ROBO1: variants seen among roughly 807,000 people sequenced by gnomAD.
ROBO1 encodes the protein roundabout homolog 1.
In ROBO1, 149 loss-of-function variants were observed where a neutral mutation model predicts 195.9. That is an observed-to-expected ratio of 0.76 (90% confidence interval 0.67 to 0.87). The LOEUF (loss-of-function observed/expected upper bound fraction) is 0.87. ROBO1 is among the 40% of genes least tolerant of loss of function. ROBO1 has a pLI of 0.00. For missense variants in ROBO1, 1,933 were observed against 2,068.3 expected (o/e 0.93, Z 1.27); for synonymous variants, 816 against 733.2 (o/e 1.11, Z -1.82).
chr3:79,477,832 TTAAGG>T (rs1251748204), intron 2 of ROBO1, among the ~76,000 whole-genome samples: 7 of 152,186 alleles, frequency 4.6e-5, no homozygotes, highest in Non-Finnish European at 1.5e-5. Context: ...ATTTACCAGT[TTAAGG>T]TCCATGGATT....
intron 2 of ROBO1, among the ~76,000 whole-genome samples, chr3:79,166,822 T>G (rs1173303399): frequency 4.6e-5 from 7 of 152,112 alleles, no homozygotes; most frequent in Middle Eastern, 3.2e-3. Flanking sequence ...CTATTTTTCT[T>G]AATTTGTTCA....
chr3:79,026,210 T>C (rs1426704721), intron 3 of ROBO1, among the ~76,000 whole-genome samples: 4 of 152,112 alleles, frequency 2.6e-5, no homozygotes, highest in African/African-American at 9.7e-5. Flanking sequence ...CTATTCTAAG[T>C]ATTTTATGTA....
chr3:79,516,975 G>C (rs1179944337), intron 2 of ROBO1, among the ~76,000 whole-genome samples: 1 of 152,174 alleles, frequency 6.6e-6, no homozygotes, highest in Non-Finnish European at 1.5e-5. Context: ...CTGGTCAAGA[G>C]GATGTGTCAT....
intron 2 of ROBO1, among the ~76,000 whole-genome samples, chr3:79,552,228 C>T (rs996770273): frequency 5.9e-5 from 9 of 151,936 alleles, no homozygotes; most frequent in Non-Finnish European, 1.2e-4. Context: ...GACAACAACA[C>T]ATACTATATC....
At chr3:79,355,222 C>T (rs1483597978) in intron 2 of ROBO1, among the ~76,000 whole-genome samples, 1 of 151,636 alleles carries the variant, frequency 6.6e-6, no homozygotes, top group East Asian at 1.9e-4. Context: ...GAAATCATTG[C>T]TTTATTTAAA....
At chr3:79,007,086 A>C (rs1041079498) in intron 3 of ROBO1, among the ~76,000 whole-genome samples, 4 of 152,210 alleles carry the variant, frequency 2.6e-5, no homozygotes, top group Non-Finnish European at 5.9e-5. Flanking sequence ...AACAACAAAA[A>C]CAACATAACC....
chr3:79,023,670 A>AT (rs1559601652), intron 3 of ROBO1, among the ~76,000 whole-genome samples: 7 of 77,022 alleles, frequency 9.1e-5, no homozygotes, highest in African/African-American at 5.5e-4. Context: ...AAATAGGGCC[A>AT]ATTTTTTTTT....
At chr3:78,913,870 G>C (rs2038400035) in intron 4 of ROBO1, among the ~76,000 whole-genome samples, 1 of 152,156 alleles carries the variant, frequency 6.6e-6, no homozygotes, top group Non-Finnish European at 1.5e-5. Flanking sequence ...GTGCACATGG[G>C]AAGTACTTCT....
chr3:78,858,453 A>G (rs1188800079), intron 4 of ROBO1, among the ~76,000 whole-genome samples: 2 of 150,152 alleles, frequency 1.3e-5, no homozygotes, highest in Non-Finnish European at 3.0e-5. Context: ...ACTGGGTGAG[A>G]TGCAGTGGCT....
intron 4 of ROBO1, among the ~76,000 whole-genome samples, chr3:78,918,399 G>A (rs1428747687): frequency 6.6e-6 from 1 of 152,122 alleles, no homozygotes; most frequent in African/African-American, 2.4e-5. Context: ...ATGACAGAGA[G>A]CGGCTTGGAA....
chr3:78,714,868 CCTT>C (rs2081861469), intron 7 of ROBO1: 1 of 184,576 alleles, frequency 5.4e-6, no homozygotes, highest in South Asian at 1.5e-4. Flanking sequence ...TAGATTTTAT[CCTT>C]CTAAGTTTGT....
At chr3:79,029,177 A>G (rs929236725) in intron 3 of ROBO1, among the ~76,000 whole-genome samples, 4 of 152,060 alleles carry the variant, frequency 2.6e-5, no homozygotes, top group African/African-American at 9.7e-5. Context: ...TTGGCCTAAC[A>G]TCATCTATTT....
At chr3:78,760,913 CTT>C (rs915751794) in intron 4 of ROBO1, among the ~76,000 whole-genome samples, 1 of 151,082 alleles carries the variant, frequency 6.6e-6, no homozygotes, top group Admixed American at 6.6e-5. Context: ...TATGTGTTTT[CTT>C]TTTTTTTCTT....
chr3:78,855,276 G>A (rs2034343963), intron 4 of ROBO1, among the ~76,000 whole-genome samples: 1 of 152,150 alleles, frequency 6.6e-6, no homozygotes, highest in Non-Finnish European at 1.5e-5. Flanking sequence ...GGTGTCTGGA[G>A]AACCTAAGTG....
chr3:79,267,289 A>T (rs1399089784), intron 2 of ROBO1, among the ~76,000 whole-genome samples: 2 of 151,264 alleles, frequency 1.3e-5, no homozygotes, highest in Non-Finnish European at 3.0e-5. Flanking sequence ...AGCTTGAATG[A>T]CTCTCTATTC....
chr3:79,178,178 A>G (rs918082395), intron 2 of ROBO1, among the ~76,000 whole-genome samples: 3 of 152,366 alleles, frequency 2.0e-5, no homozygotes, highest in Non-Finnish European at 4.4e-5. Flanking sequence ...AACACTGTAC[A>G]TGTTTTGTTC....
chr3:78,940,280 C>T (rs950711755), intron 3 of ROBO1, among the ~76,000 whole-genome samples: 5 of 152,288 alleles, frequency 3.3e-5, no homozygotes, highest in East Asian at 3.9e-4. Context: ...GTCCAACTAC[C>T]GTCTCTTTCC....
chr3:79,700,605 G>T (rs1364038295), intron 1 of ROBO1, among the ~76,000 whole-genome samples: 2 of 151,610 alleles, frequency 1.3e-5, no homozygotes, highest in Non-Finnish European at 3.0e-5. Flanking sequence ...TTGTGGTTTT[G>T]ATTTGTATTT....
chr3:79,276,649 T>A (rs2031058321), intron 2 of ROBO1, among the ~76,000 whole-genome samples: 1 of 151,730 alleles, frequency 6.6e-6, no homozygotes, highest in African/African-American at 2.4e-5. Flanking sequence ...AAAACTTCTG[T>A]ACAACAAAAG....
Sources: allele counts gnomAD v4.1 joint callset (sites outside exome capture counted in the v4.1 genomes callset), GRCh38; gene constraint gnomAD v4.1.1; transcripts MANE v1.5; gene names NCBI Gene and HGNC (gene_info 2026-07-23, HGNC 2026-07-21).